Variants in PLD5 observed in about 807,000 individuals in gnomAD.
PLD5 encodes the protein phospholipase D family member 5, also known as inactive phospholipase D5.
PLD5 carries 36 observed loss-of-function variants against 61.1 expected under a neutral mutation model. The observed-to-expected ratio is 0.59, with a 90% confidence interval of 0.45 to 0.78. The LOEUF is 0.78. PLD5 is among the 30% of genes least tolerant of loss of function. The pLI is 0.00. For missense variants in PLD5, 515 were observed against 644.4 expected (o/e 0.80, Z 2.17); for synonymous variants, 243 against 242.8 (o/e 1.00, Z -0.01).
chr1:242,435,466 T>C (rs188268508), intron 1 of PLD5, among the ~76,000 whole-genome samples: 2 of 149,482 alleles, frequency 1.3e-5, no homozygotes, highest in African/African-American at 5.1e-5. Context: ...GAAGTGTGTA[T>C]AGTGTTCCTA....
chr1:242,525,696 A>G (rs1463098576), upstream of PLD5, among the ~76,000 whole-genome samples: 1 of 152,214 alleles, frequency 6.6e-6, no homozygotes, highest in African/African-American at 2.4e-5. Flanking sequence ...GGGTGTTGCC[A>G]AGGGTAAACT....
chr1:242,267,632 T>C (rs934070835), intron 3 of PLD5, among the ~76,000 whole-genome samples: 14 of 150,944 alleles, frequency 9.3e-5, no homozygotes, highest in African/African-American at 3.2e-4. Flanking sequence ...GTAATCCCAG[T>C]GCTTTGGGAG....
At chr1:242,193,371 TG>T (rs1668403582) in intron 5 of PLD5, among the ~76,000 whole-genome samples, 1 of 152,204 alleles carries the variant, frequency 6.6e-6, no homozygotes, top group Admixed American at 6.5e-5. Flanking sequence ...GGATTTTCTT[TG>T]GCCGGGTTCT....
chr1:242,393,585 TAC>T lies in PLD5; in HGVS notation c.190-45345_190-45344del, dbSNP rs1345383784. 1.5e-4 allele frequency among the ~76,000 whole-genome samples: 14 copies of T among 94,386 alleles called. 1 individual carries two copies. Among genetic ancestry groups the T allele is most frequent in the South Asian group, 1.3e-3 (3 of 2,338 alleles). The allele number at this position is 94,386 out of a possible 152,430, so 61.9% of individuals were successfully genotyped here. Reference sequence around the variant, plus strand: ...GTATATATGTGTATATATATGAGTATACATATGTGTATATATATGAGCATATA... The same window carrying T: ...GTATATATGTGTATATATATGAGTATATATGTGTATATATATGAGCATATA... On this transcript the variant is annotated intron_variant, in intron 1 of 9. Coordinates refer to ENST00000536534, the MANE Select transcript of PLD5 (RefSeq NM_001372062.1).
rs113195422 is a variant in PLD5 at position 242,213,321 on chromosome 1, C to T, written c.735+6667G>A. Among the ~76,000 whole-genome samples, 446 of 152,232 alleles carry T rather than the reference C, an allele frequency of 2.9e-3. 2 individuals carry two copies. The highest frequency in any genetic ancestry group is 9.8e-3 in the African/African-American group (409 of 41,546). ...ATCATGTAAATCAAGCTTTGCTCCC[C>T]AGTAGAAAAGAATTTCCTGATTGTA... is the stretch of plus-strand genomic sequence containing the variant. On this transcript the variant is annotated intron_variant, in intron 5 of 9. Transcript: ENST00000536534.
At chr1:242,302,626 G>A (rs541584020) in intron 2 of PLD5, among the ~76,000 whole-genome samples, 1 of 152,332 alleles carries the variant, frequency 6.6e-6, no homozygotes, top group South Asian at 2.1e-4. Context: ...GGCTGAGGCA[G>A]GAGGATTGCT....
intron 5 of PLD5, among the ~76,000 whole-genome samples, chr1:242,218,402 T>G (rs1670349876): frequency 6.6e-6 from 1 of 152,226 alleles, no homozygotes; most frequent in Non-Finnish European, 1.5e-5. Context: ...ATTGCAGTGG[T>G]CTGGAACTAA....
intron 4 of PLD5, among the ~76,000 whole-genome samples, chr1:242,264,148 T>C (rs1347743925): frequency 2.6e-5 from 4 of 152,048 alleles, no homozygotes; most frequent in East Asian, 1.9e-4. Flanking sequence ...AATTATCAGA[T>C]AGTGAGAACC....
intron 1 of PLD5, among the ~76,000 whole-genome samples, chr1:242,499,494 T>G (rs938433174): frequency 6.6e-6 from 1 of 152,222 alleles, no homozygotes; most frequent in Non-Finnish European, 1.5e-5. Context: ...TACATCTCTA[T>G]TGATATGATT....
At chr1:242,299,171 C>A (rs372995091) in intron 2 of PLD5, among the ~76,000 whole-genome samples, 146 of 151,920 alleles carry the variant, frequency 9.6e-4, no homozygotes, top group Middle Eastern at 3.4e-3. Context: ...ATAGGAGTAT[C>A]CATTTATGTG....
Position 242,473,051 on chromosome 1 carries a change from G to C in PLD5, c.189+51037C>G, listed in dbSNP as rs1186621117. 6.6e-5 allele frequency among the ~76,000 whole-genome samples: 10 copies of C among 152,248 alleles called. No homozygotes were observed. In the East Asian group the frequency reaches 1.7e-3, roughly 26 times the overall value. ...AAGAGACAGAAGAAAATATAAAGAA[G>C]AATGTTCAAGTATGATCTGAAATGT... On this transcript the variant is annotated intron_variant, in intron 1 of 9. Coordinates refer to ENST00000536534, the MANE Select transcript of PLD5 (RefSeq NM_001372062.1).
At chr1:242,222,445 C>T (rs950717718) in intron 4 of PLD5, among the ~76,000 whole-genome samples, 12 of 152,192 alleles carry the variant, frequency 7.9e-5, no homozygotes, top group African/African-American at 9.7e-5. Flanking sequence ...TCAGATTCCA[C>T]GTCAGCATGC....
At chr1:242,407,552 G>T (rs10926726) in intron 1 of PLD5, among the ~76,000 whole-genome samples, 5,507 of 114,268 alleles carry the variant, frequency 0.048, 390 homozygotes, top group African/African-American at 0.18. Flanking sequence ...TTTTTGTTGT[G>T]GTTGTTTTGT....
At chr1:242,478,156 G>T (rs990675264) in intron 1 of PLD5, among the ~76,000 whole-genome samples, 3 of 152,192 alleles carry the variant, frequency 2.0e-5, no homozygotes, top group Non-Finnish European at 4.4e-5. Flanking sequence ...AACATGACAG[G>T]AAATAGTGGG....
intron 1 of PLD5, among the ~76,000 whole-genome samples, chr1:242,400,601 T>C (rs181424453): frequency 3.9e-5 from 6 of 152,264 alleles, no homozygotes; most frequent in East Asian, 3.9e-4. Flanking sequence ...ATCCCATACA[T>C]TGAAAGCTAT....
intron 4 of PLD5, among the ~76,000 whole-genome samples, chr1:242,228,834 C>T (rs573489667): frequency 1.3e-3 from 193 of 152,222 alleles, no homozygotes; most frequent in Admixed American, 3.7e-3. Context: ...GCGGGGGAGT[C>T]CACCACTGTC....
upstream of PLD5, among the ~76,000 whole-genome samples, chr1:242,529,457 C>G (rs768060189): frequency 6.6e-6 from 1 of 152,140 alleles, no homozygotes; most frequent in Non-Finnish European, 1.5e-5. Context: ...TAAACAGAGC[C>G]ATCCCTATGT....
At chr1:242,207,816 T>TTATATATTTATATATATTTATATATTTA (rs1669455754) in intron 5 of PLD5, among the ~76,000 whole-genome samples, 1 of 39,126 alleles carries the variant, frequency 2.6e-5, no homozygotes, top group African/African-American at 1.4e-4. Context: ...ATATTTATAT[T>TTATATATTTATATATATTTATATATTTA]TATATATTTA....
intron 4 of PLD5, among the ~76,000 whole-genome samples, chr1:242,251,124 G>A (rs1364295697): frequency 2.0e-5 from 3 of 152,182 alleles, no homozygotes; most frequent in Non-Finnish European, 4.4e-5. Context: ...GAGGTATTCC[G>A]TGAATATCCA....
Sources: gnomAD v4.1 joint callset for allele counts (sites outside exome capture counted in the v4.1 genomes callset) on GRCh38, gnomAD v4.1.1 for gene constraint, MANE v1.5 for transcripts, NCBI Gene and HGNC (gene_info 2026-07-23, HGNC 2026-07-21) for gene names.